The following FAAP20 variants were observed in gnomAD, a reference collection of about 807,000 sequenced individuals.
The protein encoded by FAAP20 is FA core complex associated protein 20, also known as Fanconi anemia core complex-associated protein 20.
Under a neutral mutation model 16.2 loss-of-function variants are expected in FAAP20, and 12 were observed. That is an observed-to-expected ratio of 0.74 (90% CI 0.48 to 1.20). FAAP20 has a LOEUF of 1.20. Among genes scored for constraint, FAAP20 ranks in the 50% most tolerant of loss-of-function variants. FAAP20 has a pLI of 0.00. For missense variants in FAAP20, 288 were observed against 245.8 expected, an observed-to-expected ratio of 1.17 and a Z score of -1.15; for synonymous variants, 141 against 110.7, an observed-to-expected ratio of 1.27 and a Z score of -1.72.
chr1:2,194,171 T>C (rs757153474), intron 1 of FAAP20, 38 bp from the exon 2 acceptor site: 7 of 1,607,456 alleles, frequency 4.4e-6, no homozygotes, highest in Middle Eastern at 1.8e-4. Context: ...GGGTACTCAG[T>C]AGCGGAAACG....
At chr1:2,194,250 T>C in intron 1 of FAAP20, 117 bp from the exon 2 acceptor site, 1 of 1,336,822 alleles carries the variant, frequency 7.5e-7, no homozygotes, top group East Asian at 2.7e-5. Flanking sequence ...TAGAGGGAAA[T>C]TCGATGGTGC....
chr1:2,200,395 CA>C (rs765418052), upstream of FAAP20: 6,758 of 103,986 alleles, frequency 0.065, 419 homozygotes, highest in African/African-American at 0.21. Flanking sequence ...AACTCTATCT[CA>C]AAAAAAAAAA....
At chr1:2,210,340 G>A (rs565816456), downstream of FAAP20, among the ~76,000 whole-genome samples, 121 of 152,342 alleles carry the variant, frequency 7.9e-4, no homozygotes, top group African/African-American at 2.9e-3. Context: ...TCCCATCCGG[G>A]TGCTGGCGGG....
chr1:2,189,128 G>A (rs1045549121), downstream of FAAP20, among the ~76,000 whole-genome samples: 2 of 151,618 alleles, frequency 1.3e-5, no homozygotes, highest in South Asian at 2.1e-4. Flanking sequence ...CTAGGAGTTC[G>A]AGACCAGCCT....
At chr1:2,203,155 G>C (rs1689112951), upstream of FAAP20, among the ~76,000 whole-genome samples, 1 of 152,184 alleles carries the variant, frequency 6.6e-6, no homozygotes, top group Admixed American at 6.5e-5. Flanking sequence ...GAGGCCCCAG[G>C]AAGCTATCTG....
At position 2,189,751 on chromosome 1, in the gene FAAP20, C is replaced by G; in HGVS notation, c.501G>C (p.Leu167=). The change falls in exon 4 of 4, where the codon CTG becomes CTC. Residue 167 remains leucine (L), a synonymous_variant. Transcript: ENST00000378546. ...CTGTGCTTTCGGCCAAGCACTGGGC[C>G]AGGTGGCTGTCAACATCCAGCTGGG... The part of the protein sequence containing the change: ...RLTQLDVDSH[L]AQCLAESTED... The G allele has an allele frequency of 6.2e-7, 1 of 1,612,980 alleles. No individual in the cohort carries two copies. Among genetic ancestry groups the G allele is most frequent in the Non-Finnish European group, 8.5e-7 (1 of 1,179,846 alleles).
At chr1:2,192,348 C>A in intron 3 of FAAP20, 1 of 992,678 alleles carries the variant, frequency 1.0e-6, no homozygotes, top group Non-Finnish European at 1.2e-6. Flanking sequence ...TCCAGACACA[C>A]CAAGGCCTGG....
chr1:2,188,293 G>C (rs1687791706), downstream of FAAP20, among the ~76,000 whole-genome samples: 1 of 152,196 alleles, frequency 6.6e-6, no homozygotes, highest in South Asian at 2.1e-4. Context: ...GGATCTGGGT[G>C]AACCAGATGC....
upstream of FAAP20, chr1:2,200,911 T>C: frequency 8.9e-7 from 1 of 1,121,198 alleles, no homozygotes; most frequent in Non-Finnish European, 1.1e-6. Context: ...CCAGGGAAGG[T>C]CTGGCTTCTC....
chr1:2,194,049 C>CG lies in FAAP20; in HGVS notation c.146dup (p.Glu50GlyfsTer27). 6.2e-7 allele frequency: 1 copy of CG among 1,612,658 alleles called. No homozygotes were observed. The highest frequency in any genetic ancestry group is 1.3e-5 in the African/African-American group (1 of 75,006). ...GCACCTCGTGATCCAGGATCAGCTC[C>CG]GGGCTCACCGTGCGCAGTAGCTCGG... On this transcript the variant is annotated frameshift_variant, in exon 2 of 4. Coordinates refer to ENST00000378546, the MANE Select transcript of FAAP20 (RefSeq NM_182533.4). LOFTEE classifies it high-confidence loss of function.
At chr1:2,211,963 T>C (rs560626771), downstream of FAAP20, among the ~76,000 whole-genome samples, 32 of 143,122 alleles carry the variant, frequency 2.2e-4, no homozygotes, top group African/African-American at 6.7e-4. Flanking sequence ...AGTGCAGTAG[T>C]GTGATCTCGG....
At chr1:2,184,916 C>T, downstream of FAAP20, 2 of 1,613,118 alleles carry the variant, frequency 1.2e-6, no homozygotes, top group Non-Finnish European at 1.7e-6. Context: ...CCACCTTTGC[C>T]CACAGGGATG....
chr1:2,193,450 C>A (rs1349451145), intron 3 of FAAP20, 189 bp downstream of exon 3: 9 of 872,392 alleles, frequency 1.0e-5, no homozygotes, highest in Non-Finnish European at 8.4e-6. Flanking sequence ...GCACGGCAAG[C>A]AGGTGGACCC....
In FAAP20 at chr1:2,194,740, C is replaced by T; in HGVS notation, c.10G>A (p.Ala4Thr). 5.0e-6 allele frequency: 6 copies of T among 1,195,144 alleles called. No homozygotes were observed. Among genetic ancestry groups the T allele is most frequent in the East Asian group, 3.7e-5 (1 of 27,234 alleles). The allele number at this position is 1,195,144 out of a possible 1,614,324, so 74.0% of individuals were successfully genotyped here. ...CTCAACCCCAGCCGCGGCCTCCGCGCCGCCTCCATCCAAGCCCGCGCCGGG... is the reference window on the plus strand; with the variant it reads ...CTCAACCCCAGCCGCGGCCTCCGCGTCGCCTCCATCCAAGCCCGCGCCGGG... MEA[A>T]RRPRLGLSRR... The change falls in exon 1 of 4, where the codon GCG becomes ACG. Residue 4 changes from alanine (A) to threonine (T), a missense_variant. Transcript: ENST00000378546.
chr1:2,212,446 A>T (rs910682851), exon 2 of FAAP20: 1 of 154,462 alleles, frequency 6.5e-6, no homozygotes, highest in Admixed American at 6.4e-5. Flanking sequence ...CGTGGCCCAC[A>T]GGCCTTGGAT....
chr1:2,191,692 GATC>G (rs1688245141), intron 3 of FAAP20: 1 of 316,512 alleles, frequency 3.2e-6, no homozygotes. Flanking sequence ...AGTGAGCCGA[GATC>G]ATGCCACTGC....
chr1:2,193,890 C>A lies in FAAP20; in HGVS notation c.219G>T (p.Glu73Asp), dbSNP rs1688548622. The change falls in exon 3 of 4, where the codon GAG (glutamate) becomes GAT (aspartate). Residue 73 changes from glutamate (E) to aspartate (D), a missense_variant. By Grantham distance (45) the Glu-to-Asp change is conservative (BLOSUM62 2). Transcript: ENST00000378546. ...FPGQEPRCGP[E>D]PTEVFTVGPK... Reference sequence around the variant, plus strand: ...GTCCGACAGTGAAGACTTCAGTGGGCTCCGGGCCGCACCTGGGCTCCTGCA... The same window carrying A: ...GTCCGACAGTGAAGACTTCAGTGGGATCCGGGCCGCACCTGGGCTCCTGCA... The A allele has an allele frequency of 1.2e-6, 2 of 1,612,360 alleles. No homozygotes were observed. The highest frequency in any genetic ancestry group is 1.7e-6 in the Non-Finnish European group (2 of 1,179,802).
upstream of FAAP20, chr1:2,200,589 A>G (rs890467324): frequency 7.2e-6 from 7 of 974,662 alleles, no homozygotes; most frequent in Non-Finnish European, 7.3e-6. Context: ...CAGCTGCCTG[A>G]ACTGTGAGAA....
chr1:2,189,284 A>G (rs1321139391), downstream of FAAP20, among the ~76,000 whole-genome samples: 2 of 140,866 alleles, frequency 1.4e-5, no homozygotes. Context: ...ATGAGCCGTG[A>G]TTGCACCACT....
Sources: gnomAD v4.1 joint callset for allele counts (sites outside exome capture counted in the v4.1 genomes callset) on GRCh38, gnomAD v4.1.1 for gene constraint, MANE v1.5 for transcripts, NCBI Gene and HGNC (gene_info 2026-07-23, HGNC 2026-07-21) for gene names.